IL1RN: variants seen among roughly 807,000 people sequenced by gnomAD.
IL1RN encodes the protein interleukin 1 receptor antagonist.
Under a neutral mutation model 13.7 loss-of-function variants are expected in IL1RN, and 10 were observed. The observed-to-expected ratio is 0.73, with a 90% CI of 0.45 to 1.24. The LOEUF (loss-of-function observed/expected upper bound fraction) is 1.24, where lower values mean the gene tolerates loss of function less well. Among genes scored for constraint, IL1RN ranks in the 50% most tolerant of loss-of-function variants. IL1RN has a pLI of 0.00. For missense variants in IL1RN, 213 were observed against 222.1 expected (o/e 0.96, Z 0.26); for synonymous variants, 102 against 82.7 (o/e 1.23, Z -1.27).
rs1243567216 is a variant in IL1RN, at chr2:113,129,492, G to T, written c.117-84G>T. The T allele has an allele frequency of 5.8e-6, 5 of 862,456 alleles. No individual in the cohort carries two copies. The East Asian group carries it at 1.2e-4, about 21-fold the overall frequency. 53.4% of individuals were successfully genotyped at this position (862,456 alleles called of 1,614,324 possible). ...GAAGAGCTGGATGCAAATTTGACAA[G>T]TTCTGGGGGACACAGGAAGGTGCCA... On this transcript the variant is annotated intron_variant, in intron 1 of 3. Transcript: ENST00000409930.
intron 2 of IL1RN, among the ~76,000 whole-genome samples, chr2:113,121,029 C>CTTT (rs888337988): frequency 4.4e-5 from 6 of 135,724 alleles, no homozygotes; most frequent in Non-Finnish European, 8.0e-5. Flanking sequence ...TCCTCTTCTT[C>CTTT]TTCTTCTTCT....
the IL1RN span, among the ~76,000 whole-genome samples, chr2:113,099,582 C>G: frequency 6.6e-6 from 1 of 152,230 alleles, no homozygotes; most frequent in South Asian, 2.1e-4. Flanking sequence ...ACTTTCTCGG[C>G]TTTCCTGGTA....
At chr2:113,099,726 TTC>T in the IL1RN span, among the ~76,000 whole-genome samples, 1,262 of 45,550 alleles carry the variant, frequency 0.028, 199 homozygotes, top group African/African-American at 0.1. Context: ...CTTCTTTCTT[TTC>T]TTTTTTTTTT....
intron 2 of IL1RN, 170 bp downstream of exon 2, chr2:113,129,834 T>C: frequency 1.6e-6 from 1 of 635,756 alleles, no homozygotes; most frequent in Non-Finnish European, 2.9e-6. Flanking sequence ...AGGGCACATA[T>C]GAGGGCAGCC....
chr2:113,121,469 C>A (rs1359249374), intron 2 of IL1RN: 2 of 985,322 alleles, frequency 2.0e-6, no homozygotes, highest in Non-Finnish European at 2.4e-6. Context: ...AACTAATCAT[C>A]AAAGCCAAGA....
intron 2 of IL1RN, among the ~76,000 whole-genome samples, chr2:113,120,752 C>T (rs1233410565): frequency 2.6e-5 from 4 of 152,172 alleles, no homozygotes; most frequent in Non-Finnish European, 4.4e-5. Context: ...TAAATAGTTA[C>T]TCTATGAGAT....
chr2:113,118,639 T>C (rs1009193345), intron 1 of IL1RN, among the ~76,000 whole-genome samples: 3 of 152,218 alleles, frequency 2.0e-5, no homozygotes, highest in Non-Finnish European at 4.4e-5. Flanking sequence ...ATTTAAATTA[T>C]AAGCTGCCAG....
In IL1RN at chr2:113,129,672, G is replaced by A. The variant is rs762763281; in HGVS notation, c.205+8G>A. On this transcript the variant is annotated splice_region_variant and intron_variant, in intron 2 of 3. Coordinates refer to ENST00000409930, the MANE Select transcript of IL1RN (RefSeq NM_173842.3). Reference sequence around the variant, plus strand: ...CAAATGTCAATTTAGAAGGTGAGTGGTTGCCAGGAAAGCCAATGTATGTGG... The same window carrying A: ...CAAATGTCAATTTAGAAGGTGAGTGATTGCCAGGAAAGCCAATGTATGTGG... The A allele has an allele frequency of 1.3e-6, 2 of 1,598,148 alleles. No homozygotes were observed. Among genetic ancestry groups the A allele is most frequent in the South Asian group, 1.1e-5 (1 of 90,742 alleles).
At chr2:113,106,535 T>G (rs1235702313), upstream of IL1RN, among the ~76,000 whole-genome samples, 1 of 152,252 alleles carries the variant, frequency 6.6e-6, no homozygotes, top group Admixed American at 6.5e-5. Context: ...TGTGTTTACC[T>G]GTCCTAGCAA....
intron 3 of IL1RN, 93 bp from the exon 4 acceptor site, chr2:113,132,563 T>C (rs1254746164): frequency 8.4e-7 from 1 of 1,186,172 alleles, no homozygotes; most frequent in Non-Finnish European, 1.3e-6. Context: ...CTCTGGGCTG[T>C]CCAGAGGGCC....
chr2:113,128,757 C>T (rs928839044), intron 1 of IL1RN, among the ~76,000 whole-genome samples: 1 of 152,156 alleles, frequency 6.6e-6, no homozygotes, highest in African/African-American at 2.4e-5. Flanking sequence ...TACAGTTAGC[C>T]ACACTTCACA....
In IL1RN at chr2:113,132,962, C is replaced by A; in HGVS notation, c.*91C>A. 8.2e-7 allele frequency: 1 copy of A among 1,222,142 alleles called. No homozygotes were observed. The highest frequency in any genetic ancestry group is 1.2e-6 in the Non-Finnish European group (1 of 828,568). 75.7% of individuals were successfully genotyped at this position (1,222,142 alleles called of 1,614,324 possible). On this transcript the variant is annotated 3_prime_UTR_variant, in exon 4 of 4. Coordinates refer to ENST00000409930, the MANE Select transcript of IL1RN (RefSeq NM_173842.3). The stretch of plus-strand genomic sequence containing the variant: ...GCCCCAGGGCTCCCGGCTATGGGGG[C>A]ACTGAGGACCAGCCATTGAGGGGTG...
chr2:113,132,895 C>T lies in IL1RN; in HGVS notation c.*24C>T. ...AGTACTGCCCAGGCCTGCCTGTTCC[C>T]ATTCTTGCATGGCAAGGACTGCAGG... On this transcript the variant is annotated 3_prime_UTR_variant, in exon 4 of 4. Coordinates refer to ENST00000409930, the MANE Select transcript of IL1RN (RefSeq NM_173842.3). The T allele has an allele frequency of 6.2e-7, 1 of 1,607,120 alleles. No homozygotes were observed. The highest frequency in any genetic ancestry group is 1.7e-5 in the Admixed American group (1 of 60,018).
upstream of IL1RN, among the ~76,000 whole-genome samples, chr2:113,114,788 C>T (rs939708736): frequency 2.0e-5 from 3 of 152,054 alleles, no homozygotes; most frequent in Non-Finnish European, 4.4e-5. Flanking sequence ...AAAATAGACA[C>T]GGTGCTTGCT....
upstream of IL1RN, chr2:113,117,755 C>T: frequency 1.7e-6 from 1 of 589,476 alleles, no homozygotes; most frequent in Non-Finnish European, 3.0e-6. Context: ...GCCTGAGTCA[C>T]CCTCCTGGAA....
the IL1RN span, among the ~76,000 whole-genome samples, chr2:113,101,998 C>T: frequency 6.6e-6 from 1 of 152,168 alleles, no homozygotes; most frequent in Admixed American, 6.5e-5. Flanking sequence ...AACTCCCGAA[C>T]TCAGGTGATC....
At chr2:113,131,236 T>G in intron 3 of IL1RN, 79 bp downstream of exon 3, 1 of 864,372 alleles carries the variant, frequency 1.2e-6, no homozygotes, top group South Asian at 1.3e-5. Flanking sequence ...TATGATTCTG[T>G]GGGTTGACCA....
At chr2:113,107,894 T>C (rs1057154648), upstream of IL1RN, among the ~76,000 whole-genome samples, 2 of 152,264 alleles carry the variant, frequency 1.3e-5, no homozygotes, top group African/African-American at 4.8e-5. Flanking sequence ...TATTCTTTTG[T>C]GTTGTTACAA....
chr2:113,107,347 A>G (rs1386500763), upstream of IL1RN: 1 of 152,244 alleles, frequency 6.6e-6, no homozygotes, highest in East Asian at 1.9e-4. Flanking sequence ...CTCAACAACA[A>G]CGAAAGCAAG....
Sources: gnomAD v4.1 joint callset for allele counts (sites outside exome capture counted in the v4.1 genomes callset) on GRCh38, gnomAD v4.1.1 for gene constraint, MANE v1.5 for transcripts, NCBI Gene and HGNC (gene_info 2026-07-23, HGNC 2026-07-21) for gene names.